Variants in NBPF11 observed in about 807,000 individuals in gnomAD.
NBPF11 encodes the protein NBPF family member NBPF11.
A neutral mutation model predicts 93.9 loss-of-function variants in NBPF11; 72 were observed. The ratio of observed to expected loss-of-function variants is 0.77; its 90% CI spans 0.63 to 0.93. The LOEUF (loss-of-function observed/expected upper bound fraction) is 0.93. Ranked by LOEUF, NBPF11 falls within the 40% of genes least tolerant of loss-of-function variation. The pLI is 0.00. For missense variants in NBPF11, 705 were observed against 802.2 expected (o/e 0.88, Z 1.46); for synonymous variants, 224 against 304.9 (o/e 0.73, Z 2.76).
intron 17 of NBPF11, among the ~76,000 whole-genome samples, 186 bp from the exon 18 acceptor site, chr1:148,108,840 A>AAGAC (rs1664484998): frequency 2.8e-5 from 2 of 71,730 alleles, no homozygotes; most frequent in Non-Finnish European, 6.0e-5. Context: ...ATGAAAGAGA[A>AAGAC]AGACACACAC....
chr1:148,123,332 C>T (rs1452885416), intron 7 of NBPF11, among the ~76,000 whole-genome samples: 1 of 152,258 alleles, frequency 6.6e-6, no homozygotes, highest in Non-Finnish European at 1.5e-5. Flanking sequence ...CAAGTGCCTT[C>T]TCCAACACCA....
chr1:148,106,914 C>A (rs1358426118), intron 20 of NBPF11, 28 bp downstream of exon 20: 3 of 689,482 alleles, frequency 4.4e-6, no homozygotes, highest in South Asian at 1.5e-5. Flanking sequence ...CAGGTGGAGG[C>A]TTATCACCTT....
Position 148,105,573 on chromosome 1 carries a change from A to G in NBPF11, c.2304-45T>C, listed in dbSNP as rs1220082835. ...TAAAGAATAAGCCAGGGGAAATCAC[A>G]CACAACAGAGCCCCAACTAGGTTTC... On this transcript the variant is annotated intron_variant, in intron 21 of 23. Coordinates refer to ENST00000682118, the MANE Select transcript of NBPF11 (RefSeq NM_001385469.3). 9 of 720,778 alleles carry G rather than the reference A, an allele frequency of 1.2e-5. 1 individual carries two copies. In the African/African-American group the frequency reaches 2.0e-4, roughly 16 times the overall value. 44.6% of individuals were successfully genotyped at this position (720,778 alleles called of 1,614,324 possible).
chr1:148,110,302 G>A, intron 16 of NBPF11, 76 bp downstream of exon 16: 1 of 1,550,342 alleles, frequency 6.5e-7, no homozygotes, highest in Non-Finnish European at 8.9e-7. Context: ...CCAACCAGGG[G>A]CACAAGGCCC....
chr1:148,120,241 T>C (rs1259296275), intron 10 of NBPF11, among the ~76,000 whole-genome samples: 14 of 152,100 alleles, frequency 9.2e-5, no homozygotes, highest in Non-Finnish European at 1.6e-4. Flanking sequence ...AGAAAACAGG[T>C]CATTCTGTGC....
At chr1:148,142,565 T>G (rs1225697454) in intron 2 of NBPF11, among the ~76,000 whole-genome samples, 3 of 151,988 alleles carry the variant, frequency 2.0e-5, no homozygotes, top group Admixed American at 6.5e-5. Flanking sequence ...TGGACTTCCC[T>G]CCTTGCACTG....
chr1:148,131,921 C>T, intron 4 of NBPF11, among the ~76,000 whole-genome samples: 1 of 104,094 alleles, frequency 9.6e-6, no homozygotes, highest in Non-Finnish European at 1.9e-5. Context: ...CCAACATGTG[C>T]TATTTTCAGC....
At chr1:148,108,055 C>T (rs1446584276) in intron 18 of NBPF11, among the ~76,000 whole-genome samples, 1 of 150,372 alleles carries the variant, frequency 6.7e-6, no homozygotes, top group Non-Finnish European at 1.5e-5. Flanking sequence ...AAAGCAAATG[C>T]CCCCAAATGG....
At chr1:148,109,462 G>A in intron 16 of NBPF11, 127 bp from the exon 17 acceptor site, 3 of 774,026 alleles carry the variant, frequency 3.9e-6, no homozygotes, top group East Asian at 2.5e-5. Flanking sequence ...GACTTTGAGA[G>A]AAATATTCCA....
chr1:148,122,425 G>A (rs1189181280), intron 8 of NBPF11, among the ~76,000 whole-genome samples, 159 bp from the exon 9 acceptor site: 60 of 152,204 alleles, frequency 3.9e-4, no homozygotes, highest in East Asian at 1.5e-3. Flanking sequence ...TCTTCTCTCT[G>A]CAACAGAGCT....
Position 148,122,740 on chromosome 1 carries a change from T to G in NBPF11, c.555A>C (p.Ser185=). The G allele has an allele frequency of 5.0e-6, 8 of 1,609,744 alleles. No individual in the cohort carries two copies. The highest frequency in any genetic ancestry group is 6.8e-6 in the Non-Finnish European group (8 of 1,177,168). ...GTATTCAATGTTACCTGGGGGCAGATGATTCCAGTACTTTCTCATCCTCCT... is the reference window on the plus strand; with the variant it reads ...GTATTCAATGTTACCTGGGGGCAGAGGATTCCAGTACTTTCTCATCCTCCT... ...QVEEDEKVLE[S]SAPREVQKAE... The change falls in exon 8 of 24, where the codon TCA becomes TCC. Residue 185 remains serine (S), a synonymous_variant. Coordinates refer to ENST00000682118, the MANE Select transcript of NBPF11 (RefSeq NM_001385469.3).
intron 2 of NBPF11, among the ~76,000 whole-genome samples, 196 bp downstream of exon 2, chr1:148,143,219 T>A (rs1338115019): frequency 6.6e-6 from 1 of 152,110 alleles, no homozygotes; most frequent in East Asian, 1.9e-4. Flanking sequence ...CACCCGACCA[T>A]GGCACTGCAA....
At chr1:148,111,022 C>T (rs1156711378) in intron 15 of NBPF11, among the ~76,000 whole-genome samples, 1 of 151,198 alleles carries the variant, frequency 6.6e-6, no homozygotes, top group Non-Finnish European at 1.5e-5. Flanking sequence ...AACATACTAC[C>T]AACAAATGGG....
At position 148,147,684 on chromosome 1, in the gene NBPF11, G is replaced by A. The variant is rs1284574703; in HGVS notation, c.-548-3998C>T. Among the ~76,000 whole-genome samples the A allele has an allele frequency of 2.0e-5, 3 of 151,996 alleles. 1 individual carries two copies. Among genetic ancestry groups the A allele is most frequent in the African/African-American group, 7.3e-5 (3 of 41,268 alleles). ...AGCTCTGAGAAGTCAGAGGCCCTAG[G>A]GAGGTGGGGTCGTCGTTGCCTTGGT... On this transcript the variant is annotated intron_variant, in intron 1 of 23. Coordinates refer to ENST00000682118, the MANE Select transcript of NBPF11 (RefSeq NM_001385469.3).
At chr1:148,146,336 G>C in intron 1 of NBPF11, 1 of 1,419,332 alleles carries the variant, frequency 7.0e-7, no homozygotes, top group South Asian at 1.5e-5. Context: ...TGCCGGGCCA[G>C]GCCGGGCGGC....
At position 148,125,920 on chromosome 1, in the gene NBPF11, C is replaced by T. The variant is rs1486214233; in HGVS notation, c.175+909G>A. Among the ~76,000 whole-genome samples, 4 of 152,092 alleles carry T rather than the reference C, an allele frequency of 2.6e-5. No individual in the cohort carries two copies. In the East Asian group the frequency reaches 5.8e-4, roughly 22 times the overall value. On this transcript the variant is annotated intron_variant, in intron 5 of 23. Transcript: ENST00000682118. ...TGTGATCTTTCTTCCTCTTTAGGAA[C>T]AAGAGCCTGTGCACCAGGAAGCAGA...
chr1:148,125,988 T>G (rs1208243594), intron 5 of NBPF11, among the ~76,000 whole-genome samples: 2 of 151,952 alleles, frequency 1.3e-5, no homozygotes, highest in Non-Finnish European at 2.9e-5. Context: ...ATTTTTATTT[T>G]TGATTTATTT....
intron 1 of NBPF11, among the ~76,000 whole-genome samples, chr1:148,145,695 A>G (rs1278258395): frequency 4.0e-5 from 6 of 151,564 alleles, no homozygotes; most frequent in Non-Finnish European, 5.9e-5. Context: ...GCTATGCAAC[A>G]TGGCAAAACC....
At chr1:148,109,477 GC>G in intron 16 of NBPF11, 142 bp from the exon 17 acceptor site, 1 of 724,932 alleles carries the variant, frequency 1.4e-6, no homozygotes, top group South Asian at 1.5e-5. Context: ...ATTCCAGTAG[GC>G]CTGAGGTCAA....
Sources: allele counts gnomAD v4.1 joint callset (sites outside exome capture counted in the v4.1 genomes callset), GRCh38; gene constraint gnomAD v4.1.1; transcripts MANE v1.5; gene names NCBI Gene and HGNC (gene_info 2026-07-23, HGNC 2026-07-21).